Variants in ZYG11B observed in about 807,000 individuals in gnomAD.
The protein encoded by ZYG11B is protein zyg-11 homolog B.
Under a neutral mutation model 82.4 loss-of-function variants are expected in ZYG11B, and 36 were observed. The ratio of observed to expected loss-of-function variants is 0.44; its 90% confidence interval spans 0.33 to 0.58. The LOEUF is 0.58. ZYG11B is among the 20% of genes least tolerant of loss of function. The pLI is 0.02. For synonymous variants in ZYG11B, 303 were observed against 312.8 expected (o/e 0.97, Z 0.33); for missense variants, 552 against 895.6 (o/e 0.62, Z 4.90).
chr1:52,803,752 C>T (rs1645118651), intron 10 of ZYG11B, among the ~76,000 whole-genome samples: 1 of 152,080 alleles, frequency 6.6e-6, no homozygotes, highest in Non-Finnish European at 1.5e-5. Flanking sequence ...TAGGCATGTG[C>T]CACCATGCCC....
rs750734981 is a variant in ZYG11B at position 52,756,486 on chromosome 1, A to G, written c.59A>G (p.Asp20Gly). The change falls in exon 2 of 14, where the codon GAT (aspartate) becomes GGT (glycine). Residue 20 changes from aspartate to glycine, a missense_variant. Physicochemically the swap from Asp to Gly is moderately conservative, Grantham distance 94. Around this residue, in one of 3 missense-constraint regions of ZYG11B, gnomAD observed 359 missense variants for 555.8 expected, o/e 0.65. Transcript: ENST00000294353. ...GAGGCGTCTCCCTATTCCTTACTTG[A>G]TATCTGCTTGAATTTCTTGACTACT... ...MEEASPYSLL[D>G]ICLNFLTTHL... The G allele has an allele frequency of 6.2e-7, 1 of 1,613,766 alleles. No homozygotes were observed. The highest frequency in any genetic ancestry group is 1.3e-5 in the African/African-American group (1 of 74,838).
chr1:52,821,457 T>C lies in ZYG11B; in HGVS notation c.2063T>C (p.Met688Thr). 6.3e-7 allele frequency: 1 copy of C among 1,593,932 alleles called. No individual in the cohort carries two copies. The change falls in exon 14 of 14, where the codon ATG becomes ACG. Residue 688 changes from methionine (M) to threonine (T), a missense_variant. Physicochemically the swap from Met to Thr is moderately conservative, Grantham distance 81. Transcript: ENST00000294353. ...TTTTCAGCTTCAAGGTATTGCAGCA[T>C]GCTGATTGAAGAAGGAGGATTGCAG... The part of the protein sequence containing the change: ...CSKNPSRYCS[M>T]LIEEGGLQHL...
chr1:52,770,451 G>C (rs992708418), intron 2 of ZYG11B, among the ~76,000 whole-genome samples: 9 of 152,054 alleles, frequency 5.9e-5, no homozygotes, highest in African/African-American at 1.7e-4. Flanking sequence ...GAAATGTATT[G>C]GTAACAAATC....
intron 8 of ZYG11B, among the ~76,000 whole-genome samples, chr1:52,797,345 ATATAT>A (rs1251630109): frequency 3.1e-5 from 2 of 64,232 alleles, no homozygotes; most frequent in Non-Finnish European, 4.6e-5. Flanking sequence ...ATTTATAATT[ATATAT>A]TATATATAAT....
Position 52,796,722 on chromosome 1 carries a change from ACTTG to A in ZYG11B, c.1435-6_1435-3del, listed in dbSNP as rs1462011483. The stretch of plus-strand genomic sequence containing the variant: ...TTCTTGGACATTGAATTTGTTTTTT[ACTTG>A]CTTGCAGCTTTCTACAGAACAAACT... On this transcript the variant is annotated splice_region_variant and splice_polypyrimidine_tract_variant and intron_variant, in intron 7 of 13. Transcript: ENST00000294353. 2.1e-5 allele frequency: 34 copies of A among 1,593,982 alleles called. No homozygotes were observed. Among genetic ancestry groups the A allele is most frequent in the Non-Finnish European group, 2.8e-5 (33 of 1,172,520 alleles).
chr1:52,753,627 G>A (rs1024226951), intron 1 of ZYG11B, among the ~76,000 whole-genome samples: 18 of 151,584 alleles, frequency 1.2e-4, no homozygotes, highest in Non-Finnish European at 2.5e-4. Context: ...ACAGAGTTTC[G>A]CTCTTGTTGC....
intron 1 of ZYG11B, among the ~76,000 whole-genome samples, chr1:52,751,426 T>G (rs918954194): frequency 6.6e-6 from 1 of 151,468 alleles, no homozygotes; most frequent in Non-Finnish European, 1.5e-5. Flanking sequence ...GGTCAGGAAT[T>G]TGAGACCAGC....
chr1:52,815,926 C>T (rs1485305949), intron 12 of ZYG11B, among the ~76,000 whole-genome samples: 1 of 151,526 alleles, frequency 6.6e-6, no homozygotes, highest in East Asian at 1.9e-4. Flanking sequence ...CAGAGCGAGA[C>T]TCCGTATCAA....
chr1:52,807,491 CTTTTTTT>C (rs34785263), intron 10 of ZYG11B, among the ~76,000 whole-genome samples: 1 of 128,946 alleles, frequency 7.8e-6, no homozygotes, highest in Non-Finnish European at 1.6e-5. Flanking sequence ...GCTAAGAGTA[CTTTTTTT>C]TTTTTTTTTT....
intron 12 of ZYG11B, among the ~76,000 whole-genome samples, chr1:52,814,629 G>A (rs1558144266): frequency 6.6e-6 from 1 of 152,134 alleles, no homozygotes; most frequent in Admixed American, 6.5e-5. Context: ...GAGCCCAGGA[G>A]TTTGAGGCTG....
rs1285965054 is a variant in ZYG11B, at chr1:52,825,145, T to C, written c.*3516T>C. ...ATATTGGTATCATTAAGACAACAGA[T>C]TTGAGCAAATACAATTAAGGTGTCT... is the stretch of plus-strand genomic sequence containing the variant. On this transcript the variant is annotated 3_prime_UTR_variant, in exon 14 of 14. Coordinates refer to ENST00000294353, the MANE Select transcript of ZYG11B (RefSeq NM_024646.3). 6.6e-6 allele frequency: 1 copy of C among 152,144 alleles called. No homozygotes were observed. The highest frequency in any genetic ancestry group is 2.1e-4 in the South Asian group (1 of 4,818). The allele number at this position is 152,144 out of a possible 1,614,324, so 9.4% of individuals were successfully genotyped here.
chr1:52,790,765 C>T (rs1571781354), intron 6 of ZYG11B, among the ~76,000 whole-genome samples: 1 of 125,566 alleles, frequency 8.0e-6, no homozygotes, highest in South Asian at 2.5e-4. Flanking sequence ...AATTCTAGGT[C>T]CAGTGTTCTT....
At chr1:52,779,607 C>A (rs1644838557) in intron 3 of ZYG11B, among the ~76,000 whole-genome samples, 1 of 152,212 alleles carries the variant, frequency 6.6e-6, no homozygotes, top group Admixed American at 6.5e-5. Flanking sequence ...TCTCCTGCCT[C>A]AGCCTCCTGA....
intron 1 of ZYG11B, among the ~76,000 whole-genome samples, chr1:52,730,226 T>G (rs1223899363): frequency 6.6e-6 from 1 of 152,194 alleles, no homozygotes; most frequent in Admixed American, 6.5e-5. Context: ...TTTTGGAGTG[T>G]CTTTGACTGT....
intron 1 of ZYG11B, among the ~76,000 whole-genome samples, chr1:52,748,901 CAAA>C (rs34089388): frequency 4.1e-5 from 5 of 120,698 alleles, no homozygotes; most frequent in East Asian, 2.4e-4. Flanking sequence ...GCTTCCATCT[CAAA>C]AAAAAAAAAA....
chr1:52,773,635 T>TA (rs1644777307), intron 3 of ZYG11B, among the ~76,000 whole-genome samples: 1 of 40,858 alleles, frequency 2.4e-5, no homozygotes, highest in Non-Finnish European at 4.3e-5. Context: ...ATATTTTTTT[T>TA]TTTTTTTTTT....
intron 5 of ZYG11B, among the ~76,000 whole-genome samples, chr1:52,789,468 G>A (rs913698875): frequency 6.6e-6 from 1 of 151,668 alleles, no homozygotes; most frequent in Non-Finnish European, 1.5e-5. Context: ...CTATTATGAT[G>A]GTGCACCTTG....
At chr1:52,785,601 C>T (rs757763543) in intron 5 of ZYG11B, among the ~76,000 whole-genome samples, 39 of 152,120 alleles carry the variant, frequency 2.6e-4, no homozygotes, top group Non-Finnish European at 4.7e-4. Context: ...GGATTACAGG[C>T]GCGCACCACC....
chr1:52,774,623 T>C (rs868831415), intron 3 of ZYG11B, among the ~76,000 whole-genome samples: 59 of 139,670 alleles, frequency 4.2e-4, no homozygotes, highest in African/African-American at 1.7e-3. Context: ...TTTTTTTTTT[T>C]TTTTTTTTTT....
Sources: allele counts gnomAD v4.1 joint callset (sites outside exome capture counted in the v4.1 genomes callset), GRCh38; gene constraint gnomAD v4.1.1; regional missense constraint gnomAD v4.1.1; transcripts MANE v1.5; gene names NCBI Gene and HGNC (gene_info 2026-07-23, HGNC 2026-07-21).